Variants in NKAIN2 observed in about 807,000 individuals in gnomAD.
NKAIN2 encodes sodium/potassium-transporting ATPase subunit beta-1-interacting protein 2.
NKAIN2 carries 14 observed loss-of-function variants against 32.6 expected under a neutral mutation model. The observed-to-expected ratio is 0.43, with a 90% CI of 0.28 to 0.67. NKAIN2 has a LOEUF of 0.67. Ranked by LOEUF, NKAIN2 falls within the 30% of genes least tolerant of loss-of-function variation. The pLI is 0.17. For synonymous variants in NKAIN2, 80 were observed against 87.2 expected, an observed-to-expected ratio of 0.92 and a Z score of 0.46; for missense variants, 198 against 258.3, an observed-to-expected ratio of 0.77 and a Z score of 1.60.
At chr6:124,303,652 G>C (rs528166622) in intron 2 of NKAIN2, among the ~76,000 whole-genome samples, 1 of 152,326 alleles carries the variant, frequency 6.6e-6, no homozygotes, top group East Asian at 1.9e-4. Flanking sequence ...CAACAAGGTG[G>C]GTTAGCACCC....
intron 1 of NKAIN2, among the ~76,000 whole-genome samples, chr6:123,811,213 T>G (rs1773449252): frequency 1.3e-5 from 2 of 152,188 alleles, no homozygotes; most frequent in Non-Finnish European, 2.9e-5. Flanking sequence ...TTTCTGACTT[T>G]TAGCTTAGTT....
chr6:124,361,262 G>C (rs1038311617), intron 3 of NKAIN2, among the ~76,000 whole-genome samples: 1 of 151,990 alleles, frequency 6.6e-6, no homozygotes, highest in African/African-American at 2.4e-5. Flanking sequence ...TGGATTGTCC[G>C]TAAAAACCTA....
chr6:124,740,626 A>G (rs955566263), intron 4 of NKAIN2, among the ~76,000 whole-genome samples: 2 of 151,858 alleles, frequency 1.3e-5, no homozygotes, highest in African/African-American at 4.8e-5. Context: ...AAAATCAACC[A>G]TGTTAATATC....
In NKAIN2 at chr6:124,191,918, ATATCT is replaced by A. The variant is rs567098644; in HGVS notation, c.55-91082_55-91078del. Reference sequence around the variant, plus strand: ...ATTTATTGGTCTAAAGATGTTGGTAATATCTTATCCTTTTCATATCTGTAAATGGT... The same window carrying A: ...ATTTATTGGTCTAAAGATGTTGGTAATATCCTTTTCATATCTGTAAATGGT... On this transcript the variant is annotated intron_variant, in intron 1 of 6. Coordinates refer to ENST00000368417, the MANE Select transcript of NKAIN2 (RefSeq NM_001040214.3). Among the ~76,000 whole-genome samples the A allele has an allele frequency of 1.4e-4, 20 of 145,368 alleles. No homozygotes were observed. The East Asian group carries it at 2.7e-3, about 20-fold the overall frequency.
At chr6:124,149,386 T>A (rs1050969020) in intron 1 of NKAIN2, among the ~76,000 whole-genome samples, 2 of 152,194 alleles carry the variant, frequency 1.3e-5, no homozygotes, top group South Asian at 4.1e-4. Flanking sequence ...TTTGCTCCCA[T>A]GCATTTTTCT....
intron 1 of NKAIN2, among the ~76,000 whole-genome samples, chr6:124,175,853 T>C (rs1323785061): frequency 6.6e-6 from 1 of 152,156 alleles, no homozygotes; most frequent in Non-Finnish European, 1.5e-5. Flanking sequence ...TGAATGTACA[T>C]CTCTCTCTTG....
chr6:124,191,375 A>AT (rs1790013130), intron 1 of NKAIN2, among the ~76,000 whole-genome samples: 1 of 151,964 alleles, frequency 6.6e-6, no homozygotes, highest in Non-Finnish European at 1.5e-5. Flanking sequence ...TGCTGCTATG[A>AT]TAAAAAATAT....
At chr6:124,154,976 C>A (rs1202357546) in intron 1 of NKAIN2, among the ~76,000 whole-genome samples, 2 of 152,052 alleles carry the variant, frequency 1.3e-5, no homozygotes, top group African/African-American at 4.8e-5. Flanking sequence ...TACCTTGCCA[C>A]ATGGCAGGAA....
At chr6:124,421,762 T>A (rs1324301769) in intron 3 of NKAIN2, among the ~76,000 whole-genome samples, 1 of 152,020 alleles carries the variant, frequency 6.6e-6, no homozygotes, top group Non-Finnish European at 1.5e-5. Context: ...TTTATTAAGG[T>A]TTGTACAGAT....
chr6:124,099,976 A>G (rs1784806877), intron 1 of NKAIN2, among the ~76,000 whole-genome samples: 1 of 152,332 alleles, frequency 6.6e-6, no homozygotes, highest in East Asian at 1.9e-4. Context: ...ACTTCCTTGT[A>G]GGATACTGGT....
At chr6:124,174,932 T>C (rs2114517063) in intron 1 of NKAIN2, among the ~76,000 whole-genome samples, 1 of 152,310 alleles carries the variant, frequency 6.6e-6, no homozygotes. Context: ...GTCACCACTT[T>C]AGTAAAATGT....
At chr6:124,658,012 G>C (rs1028211477) in intron 3 of NKAIN2, among the ~76,000 whole-genome samples, 174 bp from the exon 4 acceptor site, 1 of 151,624 alleles carries the variant, frequency 6.6e-6, no homozygotes, top group Middle Eastern at 3.2e-3. Flanking sequence ...TGAATCCATA[G>C]ATGCATAATT....
At chr6:124,734,978 C>T (rs1282236083) in intron 4 of NKAIN2, among the ~76,000 whole-genome samples, 1 of 151,862 alleles carries the variant, frequency 6.6e-6, no homozygotes, top group East Asian at 1.9e-4. Context: ...CTTGCCTTCT[C>T]TACTGCTCTA....
intron 3 of NKAIN2, among the ~76,000 whole-genome samples, chr6:124,523,370 T>C (rs947529805): frequency 6.6e-6 from 1 of 152,034 alleles, no homozygotes; most frequent in African/African-American, 2.4e-5. Flanking sequence ...CCTTAGGCCA[T>C]GATTTTTCGG....
chr6:123,953,569 T>G (rs1389913393), intron 1 of NKAIN2, among the ~76,000 whole-genome samples: 1 of 152,142 alleles, frequency 6.6e-6, no homozygotes. Context: ...TGCATATGTG[T>G]GCCCACTGTG....
chr6:124,425,535 G>T (rs1774944618), intron 3 of NKAIN2, among the ~76,000 whole-genome samples: 1 of 152,016 alleles, frequency 6.6e-6, no homozygotes, highest in Non-Finnish European at 1.5e-5. Flanking sequence ...TGAAGTATTT[G>T]CAAACTCTAT....
At chr6:124,169,170 TATAAC>T (rs2114491207) in intron 1 of NKAIN2, among the ~76,000 whole-genome samples, 1 of 152,270 alleles carries the variant, frequency 6.6e-6, no homozygotes, top group South Asian at 2.1e-4. Flanking sequence ...CCCAAAGATA[TATAAC>T]ATTACTTAAT....
intron 1 of NKAIN2, among the ~76,000 whole-genome samples, chr6:123,992,116 A>G (rs1246423640): frequency 2.4e-4 from 37 of 152,074 alleles, no homozygotes; most frequent in Admixed American, 2.4e-3. Flanking sequence ...CTGGCAGTGG[A>G]GGCTGTAGAG....
chr6:124,341,163 T>C (rs1009193601), intron 2 of NKAIN2, among the ~76,000 whole-genome samples: 3 of 152,214 alleles, frequency 2.0e-5, no homozygotes, highest in Middle Eastern at 3.4e-3. Flanking sequence ...ACTAAACCGT[T>C]TTTTGCAAAA....
Sources: allele counts gnomAD v4.1 joint callset (sites outside exome capture counted in the v4.1 genomes callset), GRCh38; gene constraint gnomAD v4.1.1; transcripts MANE v1.5; gene names NCBI Gene and HGNC (gene_info 2026-07-23, HGNC 2026-07-21).